Variants in ERI3 observed in about 807,000 individuals in gnomAD.
ERI3 encodes ERI1 exoribonuclease family member 3.
A neutral mutation model predicts 44.4 loss-of-function variants in ERI3; 18 were observed. That is an observed-to-expected ratio of 0.41 (90% confidence interval 0.28 to 0.60). The LOEUF (loss-of-function observed/expected upper bound fraction) is 0.60. Among genes scored for constraint, ERI3 ranks in the 20% least tolerant of loss-of-function variants. The probability of loss-of-function intolerance (pLI) is 0.36; values close to 1 mark genes in which losing one functional copy is unlikely to be tolerated. For synonymous variants in ERI3, 183 were observed against 164.8 expected (o/e 1.11, Z -0.84); for missense variants, 294 against 435.5 (o/e 0.68, Z 2.89).
At chr1:44,293,742 C>T (rs1645555849) in intron 6 of ERI3, among the ~76,000 whole-genome samples, 1 of 152,234 alleles carries the variant, frequency 6.6e-6, no homozygotes, top group South Asian at 2.1e-4. Flanking sequence ...ATTCTAAAAG[C>T]CCTGTTCTTT....
intron 6 of ERI3, among the ~76,000 whole-genome samples, chr1:44,306,320 A>T (rs887598940): frequency 1.3e-5 from 2 of 152,206 alleles, no homozygotes; most frequent in African/African-American, 2.4e-5. Flanking sequence ...ACACGTCTTT[A>T]GCTCTCTGAG....
intron 7 of ERI3, among the ~76,000 whole-genome samples, chr1:44,262,074 G>A (rs1430281744): frequency 6.6e-6 from 1 of 152,046 alleles, no homozygotes; most frequent in Non-Finnish European, 1.5e-5. Context: ...TCCACCCACC[G>A]CAGCCCAGCC....
chr1:44,242,612 G>C (rs994601234), intron 8 of ERI3, among the ~76,000 whole-genome samples: 2 of 152,226 alleles, frequency 1.3e-5, no homozygotes, highest in Non-Finnish European at 2.9e-5. Context: ...CGGTCACTCT[G>C]TCAAGGGATG....
Position 44,246,898 on chromosome 1 carries a change from C to T in ERI3, c.931+1041G>A, listed in dbSNP as rs76677260. On this transcript the variant is annotated intron_variant, in intron 8 of 8. Transcript: ENST00000372257. Reference sequence around the variant, plus strand: ...CTGGTATTCTCTCTCCAGTCCCCCCCCACAATGATGCGACCCCAAAGGCTC... The same window carrying T: ...CTGGTATTCTCTCTCCAGTCCCCCCTCACAATGATGCGACCCCAAAGGCTC... Among the ~76,000 whole-genome samples the T allele has an allele frequency of 5.3e-5, 8 of 152,262 alleles. No homozygotes were observed. The East Asian group carries it at 9.7e-4, about 18-fold the overall frequency.
At chr1:44,312,316 T>C (rs915972176) in intron 5 of ERI3, among the ~76,000 whole-genome samples, 8 of 152,226 alleles carry the variant, frequency 5.3e-5, no homozygotes, top group African/African-American at 1.9e-4. Context: ...AAAAAATAAA[T>C]AAAGCACCTA....
intron 7 of ERI3, among the ~76,000 whole-genome samples, chr1:44,272,330 T>A (rs1433181561): frequency 1.3e-5 from 2 of 152,246 alleles, no homozygotes; most frequent in Non-Finnish European, 2.9e-5. Context: ...AGGGACTTGC[T>A]CCAGACCACA....
rs1397916882 is a variant in ERI3 at position 44,228,087 on chromosome 1, A to AT, written c.932-6448dup. Among the ~76,000 whole-genome samples the AT allele has an allele frequency of 4.2e-5, 6 of 142,522 alleles. No individual in the cohort carries two copies. In the East Asian group the frequency reaches 1.2e-3, roughly 29 times the overall value. 93.5% of individuals were successfully genotyped at this position (142,522 alleles called of 152,430 possible). A position where few individuals can be genotyped will look rare whatever the true frequency, so the allele number is the denominator to read the frequency against. On this transcript the variant is annotated intron_variant, in intron 8 of 8. Transcript: ENST00000372257. The surrounding 1 kb of genome is among the most constrained non-coding windows in gnomAD (Gnocchi z 4.3). ...GGCCTACACAGTCCCCTGCGCCCCC[A>AT]TTCACGGCCACCTTGGCCCACCCGA...
intron 3 of ERI3, among the ~76,000 whole-genome samples, chr1:44,335,699 C>T (rs144216676): frequency 2.0e-5 from 3 of 149,398 alleles, no homozygotes; most frequent in Non-Finnish European, 4.4e-5. Context: ...TGCGGTGAGC[C>T]GAGATCACAC....
chr1:44,323,505 T>C (rs1488701693), intron 3 of ERI3, among the ~76,000 whole-genome samples: 1 of 152,162 alleles, frequency 6.6e-6, no homozygotes, highest in Non-Finnish European at 1.5e-5. Flanking sequence ...GCATCTACTA[T>C]TCACCAGGCA....
chr1:44,319,749 A>G lies in ERI3; in HGVS notation c.490-5T>C. On this transcript the variant is annotated splice_region_variant and splice_polypyrimidine_tract_variant and intron_variant, in intron 3 of 8. Transcript: ENST00000372257. ...GATGGGGAACTCGATGATTTCCTGG[A>G]GTGCCAAAGATACAGAAAAGGAAAA... 1 of 1,594,048 alleles carries G rather than the reference A, an allele frequency of 6.3e-7. No individual in the cohort carries two copies. Among genetic ancestry groups the G allele is most frequent in the Non-Finnish European group, 8.6e-7 (1 of 1,162,046 alleles).
chr1:44,272,380 C>T (rs759909118), intron 7 of ERI3, among the ~76,000 whole-genome samples: 3 of 152,190 alleles, frequency 2.0e-5, no homozygotes, highest in African/African-American at 7.2e-5. Context: ...AAGCCAGACT[C>T]CTCTGGCTCC....
At position 44,221,918 on chromosome 1, in the gene ERI3, C is replaced by T. The variant is rs1189803797; in HGVS notation, c.932-278G>A. On this transcript the variant is annotated intron_variant, in intron 8 of 8. Coordinates refer to ENST00000372257, the MANE Select transcript of ERI3 (RefSeq NM_024066.3). This position sits in a 1 kb window ranked among gnomAD's most constrained non-coding sequence, Gnocchi z 5.9. The stretch of plus-strand genomic sequence containing the variant: ...CCCAGCCCCAGCGGTGATGTATGGG[C>T]GCCGTCGCAGTAAGAAAAAGGCAGA... Among the ~76,000 whole-genome samples, 2 of 152,234 alleles carry T rather than the reference C, an allele frequency of 1.3e-5. No individual in the cohort carries two copies. The highest frequency in any genetic ancestry group is 3.9e-4 in the East Asian group (2 of 5,182).
rs966984508 is a variant in ERI3 at position 44,354,800 on chromosome 1, C to T, written c.135+92G>A. On this transcript the variant is annotated intron_variant, in intron 1 of 8. Transcript: ENST00000372257. ...TCCAGGGTAAGCACATGGGCCAGCA[C>T]CCCAGGTTGCATAAATTCTGCGCAC... 1.2e-5 allele frequency: 16 copies of T among 1,296,282 alleles called. No individual in the cohort carries two copies. The Admixed American group carries it at 2.7e-4, about 22-fold the overall frequency. The allele number at this position is 1,296,282 out of a possible 1,614,324, so 80.3% of individuals were successfully genotyped here.
At chr1:44,336,487 A>G (rs1422287510) in intron 3 of ERI3, among the ~76,000 whole-genome samples, 1 of 152,264 alleles carries the variant, frequency 6.6e-6, no homozygotes, top group East Asian at 1.9e-4. Flanking sequence ...AATGAAGTCA[A>G]GATGCATTAC....
At chr1:44,308,233 A>G in intron 6 of ERI3, 77 bp downstream of exon 6, 1 of 1,026,380 alleles carries the variant, frequency 9.7e-7, no homozygotes. Context: ...CCTTGTAGAC[A>G]TTTAAGCCTC....
chr1:44,293,881 A>T, intron 6 of ERI3, among the ~76,000 whole-genome samples: 1 of 152,020 alleles, frequency 6.6e-6, no homozygotes, highest in East Asian at 1.9e-4. Flanking sequence ...CTGGCCTGGC[A>T]CGGGTCACGG....
At chr1:44,324,250 C>G (rs982279326) in intron 3 of ERI3, among the ~76,000 whole-genome samples, 3 of 152,186 alleles carry the variant, frequency 2.0e-5, no homozygotes, top group Admixed American at 6.5e-5. Context: ...AAACTCTCCG[C>G]AGAATCAGAG....
intron 6 of ERI3, among the ~76,000 whole-genome samples, chr1:44,305,908 G>A (rs1645821787): frequency 6.6e-6 from 1 of 152,232 alleles, no homozygotes; most frequent in Admixed American, 6.5e-5. Context: ...CAAGTTGTGA[G>A]TGTCAATTTA....
At position 44,235,065 on chromosome 1, in the gene ERI3, G is replaced by A. The variant is rs1644273168; in HGVS notation, c.931+12874C>T. Among the ~76,000 whole-genome samples the A allele has an allele frequency of 6.6e-6, 1 of 152,186 alleles. No individual in the cohort carries two copies. Among genetic ancestry groups the A allele is most frequent in the Admixed American group, 6.5e-5 (1 of 15,280 alleles). On this transcript the variant is annotated intron_variant, in intron 8 of 8. Transcript: ENST00000372257. This position sits in a 1 kb window ranked among gnomAD's most constrained non-coding sequence, Gnocchi z 4.6. ...AATTAATTCAAAGTAAAAAGTTTAAGAGTCAAAAATTAAAACCACCACCAC... is the reference window on the plus strand; with the variant it reads ...AATTAATTCAAAGTAAAAAGTTTAAAAGTCAAAAATTAAAACCACCACCAC...
Sources: gnomAD v4.1 joint callset for allele counts (sites outside exome capture counted in the v4.1 genomes callset) on GRCh38, gnomAD v4.1.1 for gene constraint, Gnocchi (gnomAD v3.1) non-coding constraint, MANE v1.5 for transcripts, NCBI Gene and HGNC (gene_info 2026-07-23, HGNC 2026-07-21) for gene names.